EYS: variants seen among roughly 807,000 people sequenced by gnomAD.
The protein encoded by EYS is protein eyes shut homolog.
Under a neutral mutation model 282.1 loss-of-function variants are expected in EYS, and 250 were observed. The observed-to-expected ratio is 0.89, with a 90% CI of 0.80 to 0.98. The LOEUF (loss-of-function observed/expected upper bound fraction) is 0.98. EYS is among the 50% of genes least tolerant of loss of function. The pLI is 0.00. For missense variants in EYS, 4,016 were observed against 3,709.0 expected (o/e 1.08, Z -2.15); for synonymous variants, 1,355 against 1,282.9 (o/e 1.06, Z -1.20).
At chr6:65,547,784 A>T (rs1768449595) in intron 2 of EYS, among the ~76,000 whole-genome samples, 1 of 152,178 alleles carries the variant, frequency 6.6e-6, no homozygotes, top group Non-Finnish European at 1.5e-5. Context: ...GGTTATAGTG[A>T]CAATGTTGCA....
intron 31 of EYS, among the ~76,000 whole-genome samples, chr6:64,214,222 A>C (rs73443048): frequency 4.1e-4 from 63 of 152,216 alleles, no homozygotes; most frequent in African/African-American, 1.3e-3. Context: ...TTAACTGTGT[A>C]CAGGTTCTTT....
intron 29 of EYS, among the ~76,000 whole-genome samples, chr6:64,344,936 A>C (rs1771312528): frequency 6.6e-6 from 1 of 152,126 alleles, no homozygotes; most frequent in South Asian, 2.1e-4. Context: ...TCATGAGTGA[A>C]CTCCCATTCA....
intron 22 of EYS, among the ~76,000 whole-genome samples, chr6:64,693,088 C>T (rs1323706213): frequency 1.4e-5 from 2 of 139,142 alleles, no homozygotes; most frequent in Non-Finnish European, 3.0e-5. Flanking sequence ...TTAAAAAGCA[C>T]AAGTATGAAT....
At chr6:64,032,626 T>C (rs529226948) in intron 33 of EYS, among the ~76,000 whole-genome samples, 16 of 152,300 alleles carry the variant, frequency 1.1e-4, no homozygotes, top group African/African-American at 3.8e-4. Flanking sequence ...GGTCTCTAGA[T>C]TACCTATACA....
intron 26 of EYS, among the ~76,000 whole-genome samples, chr6:64,448,602 C>G (rs553381198): frequency 6.6e-6 from 1 of 152,160 alleles, no homozygotes; most frequent in Non-Finnish European, 1.5e-5. Flanking sequence ...TGGGAGGCAC[C>G]CCCCAGTAGG....
intron 29 of EYS, among the ~76,000 whole-genome samples, chr6:64,345,039 G>T (rs1771318387): frequency 6.6e-6 from 1 of 152,078 alleles, no homozygotes; most frequent in Non-Finnish European, 1.5e-5. Flanking sequence ...GCTGCTCAAT[G>T]AAATCAAAGA....
chr6:64,627,023 C>T (rs1045136357), intron 22 of EYS, among the ~76,000 whole-genome samples: 4 of 152,110 alleles, frequency 2.6e-5, no homozygotes, highest in Non-Finnish European at 4.4e-5. Flanking sequence ...TTTTTAGGGA[C>T]GCTTTAATAA....
At chr6:65,405,708 A>C (rs1425009189) in intron 5 of EYS, among the ~76,000 whole-genome samples, 1 of 152,008 alleles carries the variant, frequency 6.6e-6, no homozygotes, top group Admixed American at 6.6e-5. Flanking sequence ...GTCTTTTGCG[A>C]CTGGCTTCTT....
At chr6:64,044,718 T>A (rs1334431030) in intron 33 of EYS, among the ~76,000 whole-genome samples, 3 of 152,190 alleles carry the variant, frequency 2.0e-5, no homozygotes, top group Non-Finnish European at 2.9e-5. Context: ...TTATAGAATA[T>A]TTTGAGTGAT....
At chr6:65,478,985 C>G (rs1334595459) in intron 5 of EYS, among the ~76,000 whole-genome samples, 1 of 151,928 alleles carries the variant, frequency 6.6e-6, no homozygotes, top group East Asian at 1.9e-4. Context: ...GAAATTTATC[C>G]AACGAAATTA....
At chr6:64,835,097 C>A (rs970284710) in intron 19 of EYS, among the ~76,000 whole-genome samples, 1 of 151,688 alleles carries the variant, frequency 6.6e-6, no homozygotes, top group Non-Finnish European at 1.5e-5. Flanking sequence ...AATCAGGAAG[C>A]AAGGGCTTAT....
intron 9 of EYS, among the ~76,000 whole-genome samples, chr6:65,350,513 T>C (rs143095070): frequency 6.6e-6 from 1 of 151,688 alleles, no homozygotes; most frequent in African/African-American, 2.4e-5. Context: ...GTGTTTTAAC[T>C]CTATGTTTAA....
intron 24 of EYS, among the ~76,000 whole-genome samples, chr6:64,608,734 G>A (rs1354557796): frequency 1.3e-5 from 2 of 152,064 alleles, no homozygotes; most frequent in East Asian, 1.9e-4. Flanking sequence ...CCCTGACAGG[G>A]GCTCTCATGC....
At chr6:65,301,399 C>T (rs1582116870) in intron 11 of EYS, among the ~76,000 whole-genome samples, 1 of 152,352 alleles carries the variant, frequency 6.6e-6, no homozygotes, top group Non-Finnish European at 1.5e-5. Flanking sequence ...AACCCTCGCG[C>T]CCTGCGTCGT....
chr6:65,511,004 G>A (rs1766848159), intron 2 of EYS, among the ~76,000 whole-genome samples: 1 of 152,108 alleles, frequency 6.6e-6, no homozygotes, highest in Non-Finnish European at 1.5e-5. Flanking sequence ...AATTTGTGAA[G>A]AATTTGTGAA....
chr6:65,134,460 G>T (rs1274139657), intron 12 of EYS, among the ~76,000 whole-genome samples: 1 of 152,068 alleles, frequency 6.6e-6, no homozygotes, highest in African/African-American at 2.4e-5. Flanking sequence ...CATGGATACA[G>T]CTGGAGGCCA....
At chr6:64,540,391 T>A (rs1161386528) in intron 26 of EYS, among the ~76,000 whole-genome samples, 2 of 152,036 alleles carry the variant, frequency 1.3e-5, no homozygotes, top group Non-Finnish European at 2.9e-5. Flanking sequence ...GTAAGGTGAT[T>A]ATTTACACAT....
intron 22 of EYS, among the ~76,000 whole-genome samples, chr6:64,686,969 T>A (rs1006091832): frequency 4.9e-5 from 7 of 143,398 alleles, no homozygotes; most frequent in African/African-American, 1.5e-4. Context: ...ATAATTTTAT[T>A]CTAAAAACCT....
intron 29 of EYS, among the ~76,000 whole-genome samples, chr6:64,379,158 C>A (rs1044764510): frequency 6.6e-6 from 1 of 152,044 alleles, no homozygotes; most frequent in Non-Finnish European, 1.5e-5. Flanking sequence ...TATGTAAGAT[C>A]ATTCACCTGG....
Sources: gnomAD v4.1 joint callset for allele counts (sites outside exome capture counted in the v4.1 genomes callset) on GRCh38, gnomAD v4.1.1 for gene constraint, MANE v1.5 for transcripts, NCBI Gene and HGNC (gene_info 2026-07-23, HGNC 2026-07-21) for gene names.